The following ZIM2 variants were observed in gnomAD, a reference collection of about 807,000 sequenced individuals.
ZIM2 encodes the protein zinc finger imprinted 2.
Under a neutral mutation model 38.6 loss-of-function variants are expected in ZIM2, and 14 were observed. The ratio of observed to expected loss-of-function variants is 0.36; its 90% CI spans 0.24 to 0.57. The LOEUF is 0.57. ZIM2 is among the 20% of genes least tolerant of loss of function. The pLI is 0.81. For synonymous variants in ZIM2, 247 were observed against 245.8 expected, an observed-to-expected ratio of 1.00 and a Z score of -0.04; for missense variants, 680 against 695.1, an observed-to-expected ratio of 0.98 and a Z score of 0.24.
chr19:56,781,727 T>C (rs1023666476), intron 11 of ZIM2, among the ~76,000 whole-genome samples: 1 of 152,218 alleles, frequency 6.6e-6, no homozygotes, highest in African/African-American at 2.4e-5. Context: ...AGTTGAAATA[T>C]GCTAAACACT....
At chr19:56,813,777 A>G in intron 9 of ZIM2, 1 of 1,613,984 alleles carries the variant, frequency 6.2e-7, no homozygotes, top group Non-Finnish European at 8.5e-7. Flanking sequence ...CTTGATTGGC[A>G]CCACCTGTGC....
chr19:56,775,480 T>A lies in ZIM2; in HGVS notation c.885A>T (p.Lys295Asn). The change falls in exon 13 of 13, where the codon AAA (lysine) becomes AAT (asparagine). Residue 295 changes from lysine (K) to asparagine (N), a missense_variant. Lys to Asn is a moderately conservative substitution (Grantham distance 94). Transcript: ENST00000629319. Reference protein sequence around the residue: ...PLEPHQGNQEKLLTPITMNDP... With the variant: ...PLEPHQGNQENLLTPITMNDP... ...CATTCATTGTTATAGGAGTCAAAAG[T>A]TTCTCTTGGTTGCCCTGGTGTGGTT... is the stretch of plus-strand genomic sequence containing the variant. 1.2e-6 allele frequency: 2 copies of A among 1,613,830 alleles called. No homozygotes were observed. The highest frequency in any genetic ancestry group is 8.5e-7 in the Non-Finnish European group (1 of 1,179,960).
At chr19:56,798,567 C>T (rs2047342793) in intron 9 of ZIM2, 1 of 152,058 alleles carries the variant, frequency 6.6e-6, no homozygotes, top group African/African-American at 2.4e-5. Context: ...TATTTCATGA[C>T]AAAGATGCCA....
At chr19:56,778,878 C>T (rs1034349160) in intron 12 of ZIM2, among the ~76,000 whole-genome samples, 4 of 151,974 alleles carry the variant, frequency 2.6e-5, no homozygotes, top group Non-Finnish European at 4.4e-5. Context: ...ACTATAAGGA[C>T]GCTAGTGGGA....
intron 9 of ZIM2, chr19:56,810,843 T>G: frequency 1.0e-6 from 1 of 965,246 alleles, no homozygotes; most frequent in South Asian, 4.8e-5. Flanking sequence ...AATAATTTAC[T>G]TTATTTTCTA....
chr19:56,792,325 GTTCGAGACCAGC>G (rs2046975907), intron 9 of ZIM2, among the ~76,000 whole-genome samples: 1 of 151,724 alleles, frequency 6.6e-6, no homozygotes, highest in Non-Finnish European at 1.5e-5. Context: ...AAGGTCAGGA[GTTCGAGACCAGC>G]CCTACCAACA....
chr19:56,808,112 C>T (rs1247649193), intron 9 of ZIM2, among the ~76,000 whole-genome samples: 3 of 152,100 alleles, frequency 2.0e-5, no homozygotes, highest in Non-Finnish European at 2.9e-5. Flanking sequence ...TCTGACTGGT[C>T]TACCCCAAAC....
chr19:56,776,496 A>C (rs2145824414), intron 12 of ZIM2, among the ~76,000 whole-genome samples: 1 of 152,268 alleles, frequency 6.6e-6, no homozygotes, highest in Non-Finnish European at 1.5e-5. Context: ...TTTTTTTAGA[A>C]CATCTATTAC....
chr19:56,779,359 T>C lies in ZIM2; in HGVS notation c.835+18A>G. On this transcript the variant is annotated intron_variant, in intron 12 of 12. Coordinates refer to ENST00000629319, the MANE Select transcript of ZIM2 (RefSeq NM_001387356.1). Reference sequence around the variant, plus strand: ...TGGTTCCCCCTCCTACACCCCGGGCTTCCCCCTCACTACTCACCTTGACAA... The same window carrying C: ...TGGTTCCCCCTCCTACACCCCGGGCCTCCCCCTCACTACTCACCTTGACAA... The C allele has an allele frequency of 6.2e-7, 1 of 1,612,710 alleles. No homozygotes were observed. Among genetic ancestry groups the C allele is most frequent in the Non-Finnish European group, 8.5e-7 (1 of 1,179,142 alleles).
intron 4 of ZIM2, 38 bp downstream of exon 4, chr19:56,824,224 G>A (rs778503734): frequency 1.2e-6 from 2 of 1,601,200 alleles, no homozygotes; most frequent in African/African-American, 1.3e-5. Context: ...GACACCTGAG[G>A]CCTGCACTGA....
At chr19:56,801,710 C>T (rs1053198864) in intron 9 of ZIM2, among the ~76,000 whole-genome samples, 8 of 152,184 alleles carry the variant, frequency 5.3e-5, no homozygotes, top group Admixed American at 2.6e-4. Flanking sequence ...AGAGAAGAGA[C>T]AAACAATCCT....
chr19:56,797,516 G>A (rs1432425662), intron 9 of ZIM2, among the ~76,000 whole-genome samples: 2 of 152,130 alleles, frequency 1.3e-5, no homozygotes, highest in Admixed American at 6.5e-5. Context: ...ATTTCTTTCT[G>A]TTTATTCCTG....
chr19:56,779,369 C>T lies in ZIM2; in HGVS notation c.835+8G>A, dbSNP rs780173523. On this transcript the variant is annotated splice_region_variant and intron_variant, in intron 12 of 12. Transcript: ENST00000629319. ...TCCTACACCCCGGGCTTCCCCCTCA[C>T]TACTCACCTTGACAAATCACTGTAT... 3.7e-6 allele frequency: 6 copies of T among 1,613,412 alleles called. No individual in the cohort carries two copies. Among genetic ancestry groups the T allele is most frequent in the Non-Finnish European group, 4.2e-6 (5 of 1,179,608 alleles).
chr19:56,840,140 G>A (rs1330284004), intron 1 of ZIM2, among the ~76,000 whole-genome samples: 2 of 152,184 alleles, frequency 1.3e-5, no homozygotes, highest in Non-Finnish European at 2.9e-5. Context: ...CAGGGCTCCC[G>A]AGAGCCGCAT....
At chr19:56,782,257 G>A (rs1260902590) in intron 10 of ZIM2, 136 bp from the exon 11 acceptor site, 32 of 1,183,634 alleles carry the variant, frequency 2.7e-5, no homozygotes, top group Non-Finnish European at 3.5e-5. Flanking sequence ...TTGTCTTATC[G>A]AGTCTGAGAG....
chr19:56,817,169 C>G, intron 9 of ZIM2: 1 of 1,614,214 alleles, frequency 6.2e-7, no homozygotes, highest in Non-Finnish European at 8.5e-7. Flanking sequence ...ACGCTCATGG[C>G]TTTTCTCATC....
Position 56,817,069 on chromosome 19 carries a change from C to T in ZIM2, c.490+677G>A, listed in dbSNP as rs778070922. ...TTCTGAGATGACACTGAACGACCTC[C>T]CACACTCATCACATACATATGGCAT... On this transcript the variant is annotated intron_variant, in intron 9 of 12. Coordinates refer to ENST00000629319, the MANE Select transcript of ZIM2 (RefSeq NM_001387356.1). 2.5e-6 allele frequency: 4 copies of T among 1,614,124 alleles called. No individual in the cohort carries two copies. The South Asian group carries it at 4.4e-5, about 18-fold the overall frequency.
At position 56,785,297 on chromosome 19, in the gene ZIM2, G is replaced by C. The variant is rs546064390; in HGVS notation, c.571-3176C>G. ...AGGGCATCTTTGCTTGGAATCCCTG[G>C]CACAGACAAGGTAGGGACAGAGGGC... On this transcript the variant is annotated intron_variant, in intron 10 of 12. Transcript: ENST00000629319. Among the ~76,000 whole-genome samples the C allele has an allele frequency of 1.7e-3, 257 of 152,090 alleles. 2 individuals are homozygous for C. Among genetic ancestry groups the C allele is most frequent in the African/African-American group, 5.9e-3 (246 of 41,452 alleles).
At chr19:56,812,335 A>G (rs1396313071) in intron 9 of ZIM2, 2 of 982,970 alleles carry the variant, frequency 2.0e-6, no homozygotes, top group Non-Finnish European at 2.4e-6. Context: ...GGAGAGCTGA[A>G]AAAGAAGGAA....
Sources: allele counts gnomAD v4.1 joint callset (sites outside exome capture counted in the v4.1 genomes callset), GRCh38; gene constraint gnomAD v4.1.1; transcripts MANE v1.5; gene names NCBI Gene and HGNC (gene_info 2026-07-23, HGNC 2026-07-21).